GUCY1A2: variants seen among roughly 807,000 people sequenced by gnomAD.
The protein encoded by GUCY1A2 is guanylate cyclase soluble subunit alpha-2.
Under a neutral mutation model 63.5 loss-of-function variants are expected in GUCY1A2, and 27 were observed. The ratio of observed to expected loss-of-function variants is 0.43; its 90% CI spans 0.31 to 0.59. GUCY1A2 has a LOEUF of 0.59. Ranked by LOEUF, GUCY1A2 falls within the 20% of genes least tolerant of loss-of-function variation. GUCY1A2 has a pLI of 0.11. For missense variants in GUCY1A2, 768 were observed against 913.3 expected (o/e 0.84, Z 2.05); for synonymous variants, 364 against 343.5 (o/e 1.06, Z -0.66).
rs1591292889 is a variant in GUCY1A2, at chr11:106,827,657, G to C, written c.1207-17179C>G. ...CGCCAGATTCTATAACCTTGATGTT[G>C]GGAAAGCGTTTTTCTAACATGGTAC... On this transcript the variant is annotated intron_variant, in intron 4 of 7. Coordinates refer to ENST00000526355, the MANE Select transcript of GUCY1A2 (RefSeq NM_000855.3). The C allele has an allele frequency of 1.4e-5, 22 of 1,539,464 alleles. 1 individual carries two copies. The East Asian group carries it at 4.9e-4, about 35-fold the overall frequency.
chr11:106,764,978 G>GGT (rs1555028456), intron 6 of GUCY1A2, among the ~76,000 whole-genome samples: 2 of 90,824 alleles, frequency 2.2e-5, no homozygotes, highest in Admixed American at 1.2e-4. Context: ...TTTGGGGGGG[G>GGT]GTTGGGGGGC....
At chr11:106,757,055 C>T (rs1298487369) in intron 6 of GUCY1A2, among the ~76,000 whole-genome samples, 2 of 152,154 alleles carry the variant, frequency 1.3e-5, no homozygotes, top group Admixed American at 6.6e-5. Flanking sequence ...TCTTTTTACT[C>T]TTTTTTCTCT....
At position 106,933,716 on chromosome 11, in the gene GUCY1A2, G is replaced by C. The variant is rs548796390; in HGVS notation, c.1206+5744C>G. On this transcript the variant is annotated intron_variant, in intron 4 of 7. Coordinates refer to ENST00000526355, the MANE Select transcript of GUCY1A2 (RefSeq NM_000855.3). Reference sequence around the variant, plus strand: ...CCCAGGTGCCCATCAGTGGTGGATTGGATAAAGACAATGTAGTACATATAT... The same window carrying C: ...CCCAGGTGCCCATCAGTGGTGGATTCGATAAAGACAATGTAGTACATATAT... Among the ~76,000 whole-genome samples the C allele has an allele frequency of 1.2e-4, 18 of 152,238 alleles. No individual in the cohort carries two copies. The East Asian group carries it at 3.3e-3, about 28-fold the overall frequency.
intron 3 of GUCY1A2, among the ~76,000 whole-genome samples, chr11:106,945,426 C>T (rs1860814124): frequency 6.6e-6 from 1 of 151,302 alleles, no homozygotes; most frequent in South Asian, 2.1e-4. Flanking sequence ...ATTAATCGAT[C>T]AAGAAATCAC....
At position 107,014,150 on chromosome 11, in the gene GUCY1A2, G is replaced by A. The variant is rs1173928507; in HGVS notation, c.303+3603C>T. Among the ~76,000 whole-genome samples, 18 of 130,756 alleles carry A rather than the reference G, an allele frequency of 1.4e-4. No homozygotes were observed. In the Admixed American group the frequency reaches 1.5e-3, roughly 11 times the overall value. The allele number at this position is 130,756 out of a possible 152,430, so 85.8% of individuals were successfully genotyped here. A position where few individuals can be genotyped will look rare whatever the true frequency, so the allele number is the denominator to read the frequency against. On this transcript the variant is annotated intron_variant, in intron 1 of 7. Coordinates refer to ENST00000526355, the MANE Select transcript of GUCY1A2 (RefSeq NM_000855.3). ...TGTCGCCAGGCTGGAATGCAGTGGC[G>A]CAATCTCGGCTCACTACAACCTCTG...
At chr11:106,919,816 C>T (rs183343843) in intron 4 of GUCY1A2, among the ~76,000 whole-genome samples, 42 of 152,200 alleles carry the variant, frequency 2.8e-4, no homozygotes, top group Admixed American at 2.0e-3. Flanking sequence ...CATGAGTTCA[C>T]ACTACAGAGA....
chr11:106,776,289 A>G (rs1355693540), intron 6 of GUCY1A2, 150 bp downstream of exon 6: 17 of 605,538 alleles, frequency 2.8e-5, no homozygotes, highest in Non-Finnish European at 4.4e-5. Flanking sequence ...TCCTGGATTT[A>G]TGAGTTATCT....
chr11:106,774,572 G>C (rs1364697006), intron 6 of GUCY1A2, among the ~76,000 whole-genome samples: 1 of 151,022 alleles, frequency 6.6e-6, no homozygotes, highest in East Asian at 1.9e-4. Flanking sequence ...TACTGTGTCT[G>C]GGTACTGATT....
intron 4 of GUCY1A2, among the ~76,000 whole-genome samples, chr11:106,841,283 G>A (rs1350361384): frequency 1.3e-5 from 2 of 151,774 alleles, no homozygotes; most frequent in African/African-American, 4.8e-5. Flanking sequence ...GCTTCGAGGA[G>A]GCTTTTTTGG....
intron 4 of GUCY1A2, among the ~76,000 whole-genome samples, chr11:106,828,897 GA>G (rs1486782153): frequency 1.3e-5 from 2 of 152,160 alleles, no homozygotes; most frequent in Admixed American, 1.3e-4. Context: ...AAATACTCCA[GA>G]AAGTATTTGT....
intron 1 of GUCY1A2, among the ~76,000 whole-genome samples, chr11:107,006,649 T>C (rs1378529): frequency 0.42 from 63,652 of 151,936 alleles, 13,665 homozygotes; most frequent in African/African-American, 0.47. Context: ...AGACCACAAG[T>C]ACCATTTACT....
Position 107,018,007 on chromosome 11 carries a change from C to T in GUCY1A2, c.49G>A (p.Asp17Asn), listed in dbSNP as rs1251689662. The T allele has an allele frequency of 6.8e-7, 1 of 1,473,618 alleles. No individual in the cohort carries two copies. Among genetic ancestry groups the T allele is most frequent in the South Asian group, 1.3e-5 (1 of 77,298 alleles). The allele number at this position is 1,473,618 out of a possible 1,614,324, so 91.3% of individuals were successfully genotyped here. A position where few individuals can be genotyped will look rare whatever the true frequency, so the allele number is the denominator to read the frequency against. The change falls in exon 1 of 8, where the codon GAC becomes AAC. Residue 17 changes from aspartate (D) to asparagine (N), a missense_variant. Physicochemically the swap from Asp to Asn is conservative, Grantham distance 23. Around this residue, in one of 3 missense-constraint regions of GUCY1A2, gnomAD observed 496 missense variants for 486.9 expected, o/e 1.02. Coordinates refer to ENST00000526355, the MANE Select transcript of GUCY1A2 (RefSeq NM_000855.3). ...TCCTCCGGGCTGGTCTCCAGGTAGTCGGAGCCCAGGGAGCTGAAGGACTCG... is the reference window on the plus strand; with the variant it reads ...TCCTCCGGGCTGGTCTCCAGGTAGTTGGAGCCCAGGGAGCTGAAGGACTCG... ...SSESFSSLGSDYLETSPEEEG... is the reference protein window; with the variant it reads ...SSESFSSLGSNYLETSPEEEG...
intron 4 of GUCY1A2, among the ~76,000 whole-genome samples, chr11:106,835,373 T>C (rs1190168352): frequency 6.6e-6 from 1 of 151,360 alleles, no homozygotes; most frequent in Non-Finnish European, 1.5e-5. Context: ...TACCGTAACA[T>C]GTAGAACAAA....
chr11:106,693,026 T>G (rs1329429863), intron 7 of GUCY1A2, among the ~76,000 whole-genome samples: 2 of 152,192 alleles, frequency 1.3e-5, no homozygotes, highest in Non-Finnish European at 2.9e-5. Flanking sequence ...GAAAGATCTG[T>G]GTAATGTGCA....
At chr11:106,812,451 C>T (rs1250939191) in intron 4 of GUCY1A2, among the ~76,000 whole-genome samples, 1 of 151,658 alleles carries the variant, frequency 6.6e-6, no homozygotes, top group South Asian at 2.1e-4. Context: ...TCTTCTTCAT[C>T]GCTTGGACTC....
intron 5 of GUCY1A2, among the ~76,000 whole-genome samples, chr11:106,797,368 TCAA>T (rs1467845735): frequency 1.3e-5 from 2 of 151,982 alleles, no homozygotes; most frequent in Non-Finnish European, 2.9e-5. Flanking sequence ...ATTAGACAGA[TCAA>T]CGAGACAGAA....
Position 106,809,983 on chromosome 11 carries a change from A to C in GUCY1A2, c.1692+10T>G. 1 of 1,530,440 alleles carries C rather than the reference A, an allele frequency of 6.5e-7. No individual in the cohort carries two copies. Among genetic ancestry groups the C allele is most frequent in the Non-Finnish European group, 8.9e-7 (1 of 1,123,824 alleles). 94.8% of individuals were successfully genotyped at this position (1,530,440 alleles called of 1,614,324 possible). A position where few individuals can be genotyped will look rare whatever the true frequency, so the allele number is the denominator to read the frequency against. ...AAAACATTTATATGTAAGTAACTAAACTCCCTTACCTTATAAATATCCAAA... is the reference window on the plus strand; with the variant it reads ...AAAACATTTATATGTAAGTAACTAACCTCCCTTACCTTATAAATATCCAAA... On this transcript the variant is annotated intron_variant, in intron 5 of 7. Coordinates refer to ENST00000526355, the MANE Select transcript of GUCY1A2 (RefSeq NM_000855.3).
intron 6 of GUCY1A2, among the ~76,000 whole-genome samples, chr11:106,735,708 T>G (rs1207098984): frequency 2.0e-5 from 3 of 152,156 alleles, no homozygotes; most frequent in Non-Finnish European, 4.4e-5. Context: ...GGAACCTCCA[T>G]ACTCTTCTCC....
intron 4 of GUCY1A2, among the ~76,000 whole-genome samples, chr11:106,936,349 T>C (rs1216767449): frequency 1.1e-4 from 16 of 152,196 alleles, no homozygotes; most frequent in Admixed American, 8.5e-4. Context: ...ATGAAAGAAA[T>C]ACACAGCACA....
Sources: allele counts gnomAD v4.1 joint callset (sites outside exome capture counted in the v4.1 genomes callset), GRCh38; gene constraint gnomAD v4.1.1; regional missense constraint gnomAD v4.1.1; transcripts MANE v1.5; gene names NCBI Gene and HGNC (gene_info 2026-07-23, HGNC 2026-07-21).